PIK3R5: variants seen among roughly 807,000 people sequenced by gnomAD.
PIK3R5 encodes phosphoinositide-3-kinase regulatory subunit 5.
In PIK3R5, 32 loss-of-function variants were observed where a neutral mutation model predicts 94.9. That is an observed-to-expected ratio of 0.34 (90% CI 0.25 to 0.45). The LOEUF is 0.45. Among genes scored for constraint, PIK3R5 ranks in the 20% least tolerant of loss-of-function variants. PIK3R5 has a pLI of 1.00. For synonymous variants in PIK3R5, 443 were observed against 479.4 expected, an observed-to-expected ratio of 0.92 and a Z score of 0.99; for missense variants, 853 against 1,144.6, an observed-to-expected ratio of 0.75 and a Z score of 3.68.
Position 8,887,122 on chromosome 17 carries a change from G to A in PIK3R5, c.1879C>T (p.His627Tyr), listed in dbSNP as rs750019309. The A allele has an allele frequency of 1.2e-6, 2 of 1,614,068 alleles. No individual in the cohort carries two copies. Among genetic ancestry groups the A allele is most frequent in the Non-Finnish European group, 1.7e-6 (2 of 1,180,004 alleles). The change falls in exon 12 of 19, where the codon CAC (histidine) becomes TAC (tyrosine). Residue 627 changes from histidine (H) to tyrosine (Y), a missense_variant. By Grantham distance (83) the His-to-Tyr change is moderately conservative. Transcript: ENST00000447110. ...TGGCACAGGACTTCAGGGGGCAGGT[G>A]CATGAGGCCCAGTACATTGCGCTCA... The part of the protein sequence containing the change: ...WYERNVLGLM[H>Y]LPPEVLCQQS...
chr17:8,956,670 A>T (rs895908046), intron 1 of PIK3R5, among the ~76,000 whole-genome samples: 1 of 152,206 alleles, frequency 6.6e-6, no homozygotes, highest in Non-Finnish European at 1.5e-5. Context: ...TCGTTTTCTC[A>T]AAATGAAACT....
intron 15 of PIK3R5, among the ~76,000 whole-genome samples, chr17:8,883,295 G>T (rs946029088): frequency 6.6e-6 from 1 of 152,208 alleles, no homozygotes; most frequent in Admixed American, 6.5e-5. Flanking sequence ...TTGAACCAGG[G>T]AGGCGGATGT....
chr17:8,927,441 G>A (rs779723801), intron 1 of PIK3R5, among the ~76,000 whole-genome samples: 22 of 152,118 alleles, frequency 1.4e-4, no homozygotes, highest in Non-Finnish European at 2.2e-4. Flanking sequence ...CTCCATTAGC[G>A]GTAATTAGCC....
rs1442097795 is a variant in PIK3R5 at position 8,925,143 on chromosome 17, T to C, written c.-13-13636A>G. The stretch of plus-strand genomic sequence containing the variant: ...AGTAGATGGATAGATAGATAGTAGA[T>C]GAATAGATAGCTAGATAGTAGATGG... On this transcript the variant is annotated intron_variant, in intron 1 of 18. Coordinates refer to ENST00000447110, the MANE Select transcript of PIK3R5 (RefSeq NM_001142633.3). The surrounding 1 kb of genome is among the most constrained non-coding windows in gnomAD (Gnocchi z 5.1). 6.6e-6 allele frequency among the ~76,000 whole-genome samples: 1 copy of C among 151,220 alleles called. No homozygotes were observed. Among genetic ancestry groups the C allele is most frequent in the Non-Finnish European group, 1.5e-5 (1 of 67,974 alleles).
intron 1 of PIK3R5, among the ~76,000 whole-genome samples, chr17:8,950,189 C>A (rs1163321664): frequency 6.6e-6 from 1 of 152,258 alleles, no homozygotes; most frequent in East Asian, 1.9e-4. Flanking sequence ...GGATTCATTA[C>A]TGGCTTCATA....
intron 1 of PIK3R5, among the ~76,000 whole-genome samples, chr17:8,950,891 GT>G (rs2091364186): frequency 6.6e-6 from 1 of 152,156 alleles, no homozygotes; most frequent in African/African-American, 2.4e-5. Context: ...TTCTATAGTG[GT>G]TGAACTAATT....
Position 8,892,098 on chromosome 17 carries a change from T to G in PIK3R5, c.483-1186A>C, listed in dbSNP as rs964905100. Among the ~76,000 whole-genome samples, 1 of 152,184 alleles carries G rather than the reference T, an allele frequency of 6.6e-6. No individual in the cohort carries two copies. The highest frequency in any genetic ancestry group is 2.4e-5 in the African/African-American group (1 of 41,420). On this transcript the variant is annotated intron_variant, in intron 6 of 18. Coordinates refer to ENST00000447110, the MANE Select transcript of PIK3R5 (RefSeq NM_001142633.3). The surrounding 1 kb of genome is among the most constrained non-coding windows in gnomAD (Gnocchi z 4.3). ...TAAATGCTTTAGTATGAGCTGCATGTGATGAGAGCTCTTGCTCTCTCAATT... is the reference window on the plus strand; with the variant it reads ...TAAATGCTTTAGTATGAGCTGCATGGGATGAGAGCTCTTGCTCTCTCAATT...
intron 1 of PIK3R5, among the ~76,000 whole-genome samples, chr17:8,917,748 C>T (rs1567654377): frequency 6.6e-6 from 1 of 152,062 alleles, no homozygotes; most frequent in Admixed American, 6.6e-5. Context: ...CGCCTGTAGT[C>T]CCAGCTACTC....
At chr17:8,907,645 A>T (rs1276593203) in intron 3 of PIK3R5, among the ~76,000 whole-genome samples, 1 of 142,162 alleles carries the variant, frequency 7.0e-6, no homozygotes, top group Admixed American at 6.9e-5. Context: ...AAAAAAAAAG[A>T]GAGAGAGAGA....
intron 1 of PIK3R5, among the ~76,000 whole-genome samples, chr17:8,929,241 A>T (rs1001623664): frequency 6.6e-6 from 1 of 152,242 alleles, no homozygotes; most frequent in African/African-American, 2.4e-5. Flanking sequence ...TGGACTAAAT[A>T]AGCCAATTAA....
Position 8,892,567 on chromosome 17 carries a change from G to A in PIK3R5, c.482+1019C>T, listed in dbSNP as rs796659873. On this transcript the variant is annotated intron_variant, in intron 6 of 18. Transcript: ENST00000447110. This position sits in a 1 kb window ranked among gnomAD's most constrained non-coding sequence, Gnocchi z 4.3. ...ATGCTTAGGATGGTGCCTGGAGTCCGAATAAAGGTCTAAAGGGCTTTGATG... is the reference window on the plus strand; with the variant it reads ...ATGCTTAGGATGGTGCCTGGAGTCCAAATAAAGGTCTAAAGGGCTTTGATG... Among the ~76,000 whole-genome samples, 25 of 152,132 alleles carry A rather than the reference G, an allele frequency of 1.6e-4. No individual in the cohort carries two copies. Among genetic ancestry groups the A allele is most frequent in the African/African-American group, 5.5e-4 (23 of 41,522 alleles).
intron 1 of PIK3R5, among the ~76,000 whole-genome samples, chr17:8,924,216 C>A (rs901850495): frequency 6.6e-6 from 1 of 150,658 alleles, no homozygotes; most frequent in South Asian, 2.1e-4. Flanking sequence ...GTAGCTGGAA[C>A]TACAGGCACA....
intron 1 of PIK3R5, among the ~76,000 whole-genome samples, chr17:8,942,963 T>TACACAC (rs112851950): frequency 0.15 from 21,965 of 148,960 alleles, 2,249 homozygotes; most frequent in African/African-American, 0.29. Flanking sequence ...GATCACGTCA[T>TACACAC]ACACACACAC....
chr17:8,915,234 C>T (rs1335998603), intron 1 of PIK3R5, among the ~76,000 whole-genome samples: 1 of 151,868 alleles, frequency 6.6e-6, no homozygotes, highest in Non-Finnish European at 1.5e-5. Context: ...ACCAGCCTGG[C>T]CAACATGGGG....
intron 1 of PIK3R5, among the ~76,000 whole-genome samples, chr17:8,938,681 G>A (rs2091119769): frequency 6.6e-6 from 1 of 152,088 alleles, no homozygotes; most frequent in Non-Finnish European, 1.5e-5. Context: ...TGTTTTCTAG[G>A]TTCATCCATG....
In PIK3R5 at chr17:8,888,249, T is replaced by C. The variant is rs2089926495; in HGVS notation, c.1538A>G (p.Lys513Arg). 6.2e-7 allele frequency: 1 copy of C among 1,613,426 alleles called. No homozygotes were observed. The highest frequency in any genetic ancestry group is 8.5e-7 in the Non-Finnish European group (1 of 1,179,924). The change falls in exon 10 of 19, where the codon AAG (lysine) becomes AGG (arginine). Residue 513 changes from lysine to arginine, a missense_variant. Physicochemically the swap from Lys to Arg is conservative, Grantham distance 26 (BLOSUM62 2). Around this residue, in one of 6 missense-constraint regions of PIK3R5, gnomAD observed 319 missense variants for 339.8 expected, o/e 0.94. Coordinates refer to ENST00000447110, the MANE Select transcript of PIK3R5 (RefSeq NM_001142633.3). This position sits in a 1 kb window ranked among gnomAD's most constrained non-coding sequence, Gnocchi z 7.8. Reference sequence around the variant, plus strand: ...GACCACAACACGTAGCGTGGAAGCCTTGGGATCCTCATCTCCACTCAGGAA... The same window carrying C: ...GACCACAACACGTAGCGTGGAAGCCCTGGGATCCTCATCTCCACTCAGGAA... ...RPFLSGDEDPKASTLRVVVFG... is the reference protein window; with the variant it reads ...RPFLSGDEDPRASTLRVVVFG...
chr17:8,890,189 A>T lies in PIK3R5; in HGVS notation c.658-63T>A. 6.4e-7 allele frequency: 1 copy of T among 1,552,652 alleles called. No homozygotes were observed. The highest frequency in any genetic ancestry group is 2.3e-5 in the East Asian group (1 of 44,300). On this transcript the variant is annotated intron_variant, in intron 7 of 18. Coordinates refer to ENST00000447110, the MANE Select transcript of PIK3R5 (RefSeq NM_001142633.3). The surrounding 1 kb of genome is among the most constrained non-coding windows in gnomAD (Gnocchi z 6.1). The stretch of plus-strand genomic sequence containing the variant: ...CGTGAGCTAGCTGTCCACCTGTTCC[A>T]GTTGCTAGCTTCTTACTGAGGGAGG...
chr17:8,913,929 G>T (rs540353831), intron 1 of PIK3R5, among the ~76,000 whole-genome samples: 1 of 152,336 alleles, frequency 6.6e-6, no homozygotes, highest in East Asian at 1.9e-4. Flanking sequence ...ACCTGGGATT[G>T]TGCTGGCACC....
intron 6 of PIK3R5, among the ~76,000 whole-genome samples, chr17:8,891,853 G>A (rs1023335334): frequency 6.6e-6 from 1 of 151,470 alleles, no homozygotes; most frequent in Admixed American, 6.6e-5. Flanking sequence ...ATCCACCCGC[G>A]TCGGCCTCCC....
Sources: allele counts gnomAD v4.1 joint callset (sites outside exome capture counted in the v4.1 genomes callset), GRCh38; gene constraint gnomAD v4.1.1; regional missense constraint gnomAD v4.1.1; non-coding constraint Gnocchi (gnomAD v3.1); transcripts MANE v1.5; gene names NCBI Gene and HGNC (gene_info 2026-07-23, HGNC 2026-07-21).